Variants in AUTS2 observed in about 807,000 individuals in gnomAD.
AUTS2 encodes the protein activator of transcription and developmental regulator AUTS2.
AUTS2 carries 17 observed loss-of-function variants against 112.4 expected under a neutral mutation model. The ratio of observed to expected loss-of-function variants is 0.15; its 90% CI spans 0.10 to 0.23. The LOEUF (loss-of-function observed/expected upper bound fraction) is 0.23. Ranked by LOEUF, AUTS2 falls within the 10% of genes least tolerant of loss-of-function variation. The pLI is 1.00. For synonymous variants in AUTS2, 751 were observed against 702.7 expected, an observed-to-expected ratio of 1.07 and a Z score of -1.09; for missense variants, 1,510 against 1,701.6, an observed-to-expected ratio of 0.89 and a Z score of 1.98.
At chr7:70,363,465 G>GAAAAAAAAAAAAAAAA (rs369462886) in intron 4 of AUTS2, among the ~76,000 whole-genome samples, 7 of 110,774 alleles carry the variant, frequency 6.3e-5, no homozygotes, top group South Asian at 2.5e-4. Flanking sequence ...ATAAAAAAAA[G>GAAAAAAAAAAAAAAAA]AAAAAAAAAA....
At chr7:70,150,151 A>C (rs1209000516) in intron 4 of AUTS2, among the ~76,000 whole-genome samples, 3 of 152,132 alleles carry the variant, frequency 2.0e-5, no homozygotes, top group African/African-American at 7.2e-5. Flanking sequence ...TTTATTGTTT[A>C]ATTTAGTACA....
chr7:70,423,787 G>T (rs540923145), intron 4 of AUTS2, among the ~76,000 whole-genome samples: 1 of 152,176 alleles, frequency 6.6e-6, no homozygotes, highest in African/African-American at 2.4e-5. Context: ...GATGGTTTCT[G>T]GTTTTGTTTG....
chr7:70,021,640 C>T (rs533542684), intron 2 of AUTS2, among the ~76,000 whole-genome samples: 7 of 152,322 alleles, frequency 4.6e-5, no homozygotes, highest in South Asian at 4.1e-4. Flanking sequence ...GAGGTTATTT[C>T]GTAAGGCTGT....
At chr7:70,030,468 A>G (rs180957485) in intron 2 of AUTS2, among the ~76,000 whole-genome samples, 41 of 152,306 alleles carry the variant, frequency 2.7e-4, no homozygotes, top group Admixed American at 7.2e-4. Flanking sequence ...TGTGAAGCAT[A>G]AAGTTTCCCA....
intron 5 of AUTS2, among the ~76,000 whole-genome samples, chr7:70,588,868 T>C (rs944992036): frequency 6.6e-6 from 1 of 152,216 alleles, no homozygotes; most frequent in Admixed American, 6.5e-5. Context: ...TTTCGCTGGC[T>C]TTGTTCTTGA....
intron 1 of AUTS2, among the ~76,000 whole-genome samples, chr7:69,742,959 G>C (rs1296441133): frequency 6.6e-6 from 1 of 152,116 alleles, no homozygotes; most frequent in Non-Finnish European, 1.5e-5. Flanking sequence ...AAAAGATGGG[G>C]TATCTCCTGC....
chr7:70,245,144 G>GTGTGTATATATATATATATATATA (rs1233136341), intron 4 of AUTS2, among the ~76,000 whole-genome samples: 1 of 108,968 alleles, frequency 9.2e-6, no homozygotes, highest in Admixed American at 1.0e-4. Flanking sequence ...GTGTGTGTGT[G>GTGTGTATATATATATATATATATA]TATATATATA....
intron 2 of AUTS2, among the ~76,000 whole-genome samples, chr7:69,964,083 A>C (rs900943624): frequency 6.6e-6 from 1 of 152,194 alleles, no homozygotes; most frequent in African/African-American, 2.4e-5. Flanking sequence ...AGCTCTAAGA[A>C]AATTTGTGTG....
intron 2 of AUTS2, among the ~76,000 whole-genome samples, chr7:69,912,697 G>GAGC (rs1228667196): frequency 6.6e-6 from 1 of 152,094 alleles, no homozygotes; most frequent in Admixed American, 6.5e-5. Flanking sequence ...CTCTGTCCTT[G>GAGC]AGCCTACCTT....
chr7:70,690,079 G>A (rs1444068365), intron 5 of AUTS2, among the ~76,000 whole-genome samples: 11 of 152,194 alleles, frequency 7.2e-5, no homozygotes, highest in Admixed American at 7.2e-4. Flanking sequence ...GGCCCCAAGA[G>A]GTGTGGCTCC....
intron 1 of AUTS2, among the ~76,000 whole-genome samples, chr7:69,702,299 A>T (rs1030748776): frequency 4.6e-5 from 7 of 152,224 alleles, no homozygotes; most frequent in African/African-American, 1.7e-4. Flanking sequence ...AAACACAAAT[A>T]AAAGGGCTGT....
intron 4 of AUTS2, among the ~76,000 whole-genome samples, chr7:70,330,809 T>C (rs1356826275): frequency 6.6e-6 from 1 of 152,236 alleles, no homozygotes; most frequent in Non-Finnish European, 1.5e-5. Context: ...TTAGTAATGT[T>C]TATTTTATAA....
At chr7:70,521,357 A>C (rs1799639192) in intron 5 of AUTS2, among the ~76,000 whole-genome samples, 1 of 152,174 alleles carries the variant, frequency 6.6e-6, no homozygotes, top group Admixed American at 6.5e-5. Context: ...TGTGATGTGA[A>C]TACCTTTCTG....
intron 2 of AUTS2, among the ~76,000 whole-genome samples, chr7:70,089,944 T>C (rs1166793858): frequency 1.3e-5 from 2 of 150,684 alleles, no homozygotes; most frequent in Non-Finnish European, 2.9e-5. Flanking sequence ...GAGGTGGAGG[T>C]TGCAGTGAGC....
intron 6 of AUTS2, among the ~76,000 whole-genome samples, chr7:70,747,946 C>G (rs146252227): frequency 0.062 from 9,294 of 150,824 alleles, 431 homozygotes; most frequent in Non-Finnish European, 0.09. Flanking sequence ...CTCAGCGTCC[C>G]CAGTAGCTGG....
intron 5 of AUTS2, among the ~76,000 whole-genome samples, chr7:70,581,207 A>AC (rs35714398): frequency 6.6e-6 from 1 of 151,850 alleles, no homozygotes; most frequent in South Asian, 2.1e-4. Flanking sequence ...ACGTGGTGAA[A>AC]CCCCCATCTC....
At chr7:70,775,336 G>C in intron 12 of AUTS2, 21 bp from the exon 13 acceptor site, 2 of 1,609,594 alleles carry the variant, frequency 1.2e-6, no homozygotes, top group South Asian at 2.2e-5. Flanking sequence ...ATGTAACCAA[G>C]TTGTCATTTT....
chr7:70,789,676 C>T (rs963519590), intron 18 of AUTS2, 72 bp from the exon 19 acceptor site: 2 of 1,527,282 alleles, frequency 1.3e-6, no homozygotes, highest in Non-Finnish European at 1.8e-6. Flanking sequence ...ACCATTTCAC[C>T]CGCAGCCCCT....
At chr7:70,163,727 A>C (rs1435881983) in intron 4 of AUTS2, among the ~76,000 whole-genome samples, 1 of 152,154 alleles carries the variant, frequency 6.6e-6, no homozygotes, top group Non-Finnish European at 1.5e-5. Context: ...CACCAATACA[A>C]GGCAAAACTT....
Sources: allele counts gnomAD v4.1 joint callset (sites outside exome capture counted in the v4.1 genomes callset), GRCh38; gene constraint gnomAD v4.1.1; transcripts MANE v1.5; gene names NCBI Gene and HGNC (gene_info 2026-07-23, HGNC 2026-07-21).